The following ADAM12 variants were observed in gnomAD, a reference collection of about 807,000 sequenced individuals.
ADAM12 encodes the protein disintegrin and metalloproteinase domain-containing protein 12.
ADAM12 carries 70 observed loss-of-function variants against 106.4 expected under a neutral mutation model. The ratio of observed to expected loss-of-function variants is 0.66; its 90% CI spans 0.54 to 0.80. The LOEUF is 0.80. Among genes scored for constraint, ADAM12 ranks in the 30% least tolerant of loss-of-function variants. The pLI, the probability that ADAM12 is intolerant of heterozygous loss-of-function variation, is 0.00. For synonymous variants in ADAM12, 420 were observed against 433.5 expected (o/e 0.97, Z 0.39); for missense variants, 1,010 against 1,171.9 (o/e 0.86, Z 2.02).
At chr10:126,094,435 A>G (rs1193106015) in intron 10 of ADAM12, among the ~76,000 whole-genome samples, 3 of 152,066 alleles carry the variant, frequency 2.0e-5, no homozygotes, top group Non-Finnish European at 4.4e-5. Flanking sequence ...GCTTCCTACA[A>G]TTGCCCCACA....
intron 3 of ADAM12, among the ~76,000 whole-genome samples, chr10:126,210,764 G>A (rs564234483): frequency 6.6e-6 from 1 of 152,270 alleles, no homozygotes; most frequent in Admixed American, 6.5e-5. Flanking sequence ...GAGAGCAGAG[G>A]GCTGGGTTGA....
At chr10:126,360,178 G>C (rs1016670126) in intron 1 of ADAM12, among the ~76,000 whole-genome samples, 7 of 152,124 alleles carry the variant, frequency 4.6e-5, no homozygotes, top group Non-Finnish European at 1.0e-4. Flanking sequence ...TTCCCCCTAG[G>C]TCTCCAGGCC....
chr10:126,318,301 T>A (rs1160174246), intron 2 of ADAM12, among the ~76,000 whole-genome samples: 1 of 151,446 alleles, frequency 6.6e-6, no homozygotes, highest in African/African-American at 2.4e-5. Flanking sequence ...CACACACTAA[T>A]GTACACCCAC....
chr10:126,063,189 G>A (rs1017550914), intron 14 of ADAM12, among the ~76,000 whole-genome samples: 5 of 152,160 alleles, frequency 3.3e-5, no homozygotes, highest in Non-Finnish European at 7.4e-5. Flanking sequence ...CTGCCCACGC[G>A]CATCCCTGAG....
intron 3 of ADAM12, among the ~76,000 whole-genome samples, chr10:126,211,161 G>A (rs545848288): frequency 1.3e-5 from 2 of 152,260 alleles, no homozygotes; most frequent in South Asian, 4.1e-4. Flanking sequence ...GGTGGCTGGA[G>A]GTGATGCCAT....
At chr10:126,253,395 C>T (rs987563517) in intron 3 of ADAM12, among the ~76,000 whole-genome samples, 1 of 152,222 alleles carries the variant, frequency 6.6e-6, no homozygotes, top group African/African-American at 2.4e-5. Flanking sequence ...GATGAGGAGT[C>T]GTTCCTTTTA....
chr10:126,258,524 C>A (rs190609221), intron 3 of ADAM12, among the ~76,000 whole-genome samples: 17 of 152,340 alleles, frequency 1.1e-4, no homozygotes, highest in African/African-American at 3.8e-4. Context: ...TCCATCCATG[C>A]CCTACTTACC....
At chr10:126,061,656 G>A (rs563110203) in intron 14 of ADAM12, among the ~76,000 whole-genome samples, 4 of 152,248 alleles carry the variant, frequency 2.6e-5, no homozygotes, top group South Asian at 4.1e-4. Flanking sequence ...AGCAGAAGTC[G>A]GAGAGGGACA....
At chr10:126,169,826 C>A (rs897487069) in intron 3 of ADAM12, among the ~76,000 whole-genome samples, 2 of 152,210 alleles carry the variant, frequency 1.3e-5, no homozygotes, top group African/African-American at 4.8e-5. Flanking sequence ...ATACCTTTGA[C>A]TCCTTGGACA....
intron 11 of ADAM12, among the ~76,000 whole-genome samples, chr10:126,093,611 C>A (rs956000453): frequency 3.9e-5 from 6 of 152,184 alleles, no homozygotes; most frequent in African/African-American, 1.4e-4. Context: ...TGTGGCCCAT[C>A]TCCACTGCCC....
In ADAM12 at chr10:126,228,747, C is replaced by G. The variant is rs560574737; in HGVS notation, c.260+50168G>C. Among the ~76,000 whole-genome samples the G allele has an allele frequency of 2.0e-5, 3 of 152,302 alleles. No individual in the cohort carries two copies. The South Asian group carries it at 6.2e-4, about 32-fold the overall frequency. ...TTAAATTCATCCTTCTGCCCCCAAA[C>G]CATGCTCTGCAGTAGACATGGGCCA... On this transcript the variant is annotated intron_variant, in intron 3 of 22. Coordinates refer to ENST00000448723, the MANE Select transcript of ADAM12 (RefSeq NM_001288973.2).
At chr10:126,356,953 A>T (rs540675513) in intron 1 of ADAM12, among the ~76,000 whole-genome samples, 11 of 152,260 alleles carry the variant, frequency 7.2e-5, no homozygotes, top group Non-Finnish European at 1.3e-4. Context: ...AAGGAAGCCA[A>T]TGGGAATTAT....
At chr10:126,179,415 A>G (rs1295702193) in intron 3 of ADAM12, among the ~76,000 whole-genome samples, 1 of 152,200 alleles carries the variant, frequency 6.6e-6, no homozygotes, top group Non-Finnish European at 1.5e-5. Context: ...ATTGGTCAGA[A>G]CCAAATTTCT....
chr10:126,141,228 A>G (rs1386961960), intron 4 of ADAM12, among the ~76,000 whole-genome samples: 1 of 152,192 alleles, frequency 6.6e-6, no homozygotes. Context: ...AACCCTCTGC[A>G]GACCTTCCAA....
chr10:126,150,108 T>C (rs1358013262), intron 4 of ADAM12, among the ~76,000 whole-genome samples: 1 of 152,250 alleles, frequency 6.6e-6, no homozygotes. Context: ...AGACAAGCAC[T>C]GTTCACCATC....
intron 3 of ADAM12, among the ~76,000 whole-genome samples, chr10:126,166,592 C>T (rs554326952): frequency 2.6e-5 from 4 of 152,108 alleles, no homozygotes; most frequent in Admixed American, 6.5e-5. Context: ...CTCCACCTCC[C>T]GGTTTAAGTG....
chr10:126,132,143 T>G (rs1956316764), intron 5 of ADAM12, among the ~76,000 whole-genome samples: 1 of 151,898 alleles, frequency 6.6e-6, no homozygotes, highest in Admixed American at 6.6e-5. Flanking sequence ...CCCAGCTAAT[T>G]TTCGTATTTT....
At chr10:126,225,124 G>C (rs1958167568) in intron 3 of ADAM12, among the ~76,000 whole-genome samples, 1 of 152,226 alleles carries the variant, frequency 6.6e-6, no homozygotes, top group South Asian at 2.1e-4. Context: ...TGGCAGAAGG[G>C]CAAGAAGGCT....
intron 1 of ADAM12, among the ~76,000 whole-genome samples, chr10:126,338,849 AAAC>A (rs1202192711): frequency 3.9e-5 from 6 of 152,254 alleles, no homozygotes; most frequent in South Asian, 4.1e-4. Context: ...CTTAACAGCA[AAAC>A]AACAAGAATG....
Sources: gnomAD v4.1 joint callset for allele counts (sites outside exome capture counted in the v4.1 genomes callset) on GRCh38, gnomAD v4.1.1 for gene constraint, MANE v1.5 for transcripts, NCBI Gene and HGNC (gene_info 2026-07-23, HGNC 2026-07-21) for gene names.